The following TMEM98 variants were observed in gnomAD, a reference collection of about 807,000 sequenced individuals.
The protein encoded by TMEM98 is transmembrane protein 98.
TMEM98 carries 18 observed loss-of-function variants against 25.0 expected under a neutral mutation model. The ratio of observed to expected loss-of-function variants is 0.72; its 90% confidence interval spans 0.50 to 1.07. The LOEUF is 1.07. Ranked by LOEUF, TMEM98 falls within the 50% of genes least tolerant of loss-of-function variation. The pLI, the probability that TMEM98 is intolerant of heterozygous loss-of-function variation, is 0.00. For synonymous variants in TMEM98, 103 were observed against 112.4 expected, an observed-to-expected ratio of 0.92 and a Z score of 0.53; for missense variants, 241 against 289.0, an observed-to-expected ratio of 0.83 and a Z score of 1.20.
At chr17:32,939,186 C>G (rs977659142) in intron 6 of TMEM98, among the ~76,000 whole-genome samples, 1 of 152,174 alleles carries the variant, frequency 6.6e-6, no homozygotes, top group Admixed American at 6.5e-5. Context: ...GTGGGTGGAT[C>G]ACCTGAGGTC....
chr17:32,934,062 C>A (rs914444606), intron 4 of TMEM98, among the ~76,000 whole-genome samples: 1 of 152,168 alleles, frequency 6.6e-6, no homozygotes, highest in Non-Finnish European at 1.5e-5. Flanking sequence ...GCTAGGCACA[C>A]AGTGGAGCTT....
rs778115287 is a variant in TMEM98, at chr17:32,940,979, C to T, written c.667C>T (p.Gln223Ter). The stretch of plus-strand genomic sequence containing the variant: ...AGGCCCTGAAGGCTTCCTGCAGGAG[C>T]AGTCTGCAATTTAGTGCCTACAGGC... ...LPGPEGFLQE[Q>*]SAI Residue 223 changes from glutamine (Q) to a stop codon, truncating the protein, a stop_gained, in exon 8 of 8, where the codon CAG becomes TAG. Transcript: ENST00000579849. LOFTEE classifies it high-confidence loss of function. 5 of 1,608,682 alleles carry T rather than the reference C, an allele frequency of 3.1e-6. No homozygotes were observed. The highest frequency in any genetic ancestry group is 4.2e-6 in the Non-Finnish European group (5 of 1,177,834).
chr17:32,940,192 T>A (rs1446396687), intron 7 of TMEM98, among the ~76,000 whole-genome samples: 3 of 152,210 alleles, frequency 2.0e-5, no homozygotes, highest in Non-Finnish European at 2.9e-5. Context: ...GGGTTAATAA[T>A]CTGTAATGTA....
At chr17:32,939,786 C>T (rs1379807344) in intron 7 of TMEM98, among the ~76,000 whole-genome samples, 3 of 152,194 alleles carry the variant, frequency 2.0e-5, no homozygotes, top group Non-Finnish European at 4.4e-5. Context: ...ATTAGACTTC[C>T]GGCCATGTTA....
At position 32,931,350 on chromosome 17, in the gene TMEM98, G is replaced by T. The variant is rs754857440; in HGVS notation, c.-107G>T. 2.8e-6 allele frequency: 2 copies of T among 711,612 alleles called. No individual in the cohort carries two copies. The highest frequency in any genetic ancestry group is 3.2e-5 in the Admixed American group (1 of 31,320). The allele number at this position is 711,612 out of a possible 1,614,324, so 44.1% of individuals were successfully genotyped here. ...AGGCCCTCAGGTCTCTGCAGGTGTC[G>T]TGGAGGAACCTAGCACCTGCCATCC... On this transcript the variant is annotated 5_prime_UTR_variant, in exon 2 of 8. Transcript: ENST00000579849.
At chr17:32,933,087 T>C in intron 3 of TMEM98, 87 bp from the exon 4 acceptor site, 1 of 1,551,328 alleles carries the variant, frequency 6.4e-7, no homozygotes, top group Non-Finnish European at 8.7e-7. Flanking sequence ...CCCTTACTTC[T>C]TTTATGGTGT....
intron 5 of TMEM98, among the ~76,000 whole-genome samples, chr17:32,935,832 A>T (rs775474656): frequency 6.6e-6 from 1 of 152,174 alleles, no homozygotes; most frequent in Non-Finnish European, 1.5e-5. Flanking sequence ...TCCTTTCATC[A>T]TCAGCTTGAT....
intron 7 of TMEM98, among the ~76,000 whole-genome samples, chr17:32,940,222 A>G (rs1173136911): frequency 6.6e-6 from 1 of 152,216 alleles, no homozygotes; most frequent in Non-Finnish European, 1.5e-5. Context: ...GCATCATGGT[A>G]CTAACCATAT....
intron 1 of TMEM98, chr17:32,930,967 C>T (rs1461683608): frequency 1.3e-5 from 2 of 152,140 alleles, no homozygotes; most frequent in African/African-American, 4.8e-5. Context: ...TTTGGGAGGC[C>T]CGAGGTGGGT....
At position 32,939,393 on chromosome 17, in the gene TMEM98, C is replaced by T. The variant is rs572063824; in HGVS notation, c.414-84C>T. ...CTGCACTCCAGCCTGGGTGACAGAG[C>T]GAGACTCTGTCTCAGGAAAAAAAAA... On this transcript the variant is annotated intron_variant, in intron 6 of 7. Coordinates refer to ENST00000579849, the MANE Select transcript of TMEM98 (RefSeq NM_015544.3). The T allele has an allele frequency of 3.4e-5, 48 of 1,422,588 alleles. No individual in the cohort carries two copies. In the East Asian group the frequency reaches 4.0e-4, roughly 12 times the overall value. The allele number at this position is 1,422,588 out of a possible 1,614,324, so 88.1% of individuals were successfully genotyped here.
At chr17:32,928,810 C>G (rs941954752) in intron 1 of TMEM98, among the ~76,000 whole-genome samples, 8 of 144,936 alleles carry the variant, frequency 5.5e-5, no homozygotes, top group Non-Finnish European at 1.2e-4. Flanking sequence ...CACACGCACT[C>G]AGAAGCACAC....
At chr17:32,933,449 A>G (rs1175067802) in intron 4 of TMEM98, 144 bp downstream of exon 4, 2 of 1,169,766 alleles carry the variant, frequency 1.7e-6, no homozygotes, top group Non-Finnish European at 1.2e-6. Flanking sequence ...TGTGGGGGAA[A>G]ATCAGAATAT....
chr17:32,931,784 T>G, intron 3 of TMEM98, 125 bp downstream of exon 3: 13 of 1,212,630 alleles, frequency 1.1e-5, no homozygotes, highest in Non-Finnish European at 1.5e-5. Flanking sequence ...TACCTGCAGG[T>G]GTCCTTCCCT....
rs778587477 is a variant in TMEM98 at position 32,940,929 on chromosome 17, C to G, written c.617C>G (p.Ala206Gly). Residue 206 changes from alanine (A) to glycine (G), a missense_variant, in exon 8 of 8, where the codon GCT (alanine) becomes GGT (glycine). By Grantham distance (60) the Ala-to-Gly change is moderately conservative. Coordinates refer to ENST00000579849, the MANE Select transcript of TMEM98 (RefSeq NM_015544.3). ...GAAGTCCTTCGAGAAGCAGCCCTAG[C>G]TTCTGAGCCAGATAAAGGCCTCCCA... ...HLEVLREAAL[A>G]SEPDKGLPGP... 1.2e-6 allele frequency: 2 copies of G among 1,614,140 alleles called. No individual in the cohort carries two copies. The highest frequency in any genetic ancestry group is 8.5e-7 in the Non-Finnish European group (1 of 1,180,018).
chr17:32,941,103 G>C lies in TMEM98; in HGVS notation c.*110G>C. The C allele has an allele frequency of 1.1e-6, 1 of 928,250 alleles. No homozygotes were observed. Among genetic ancestry groups the C allele is most frequent in the Non-Finnish European group, 1.6e-6 (1 of 631,008 alleles). The allele number at this position is 928,250 out of a possible 1,614,324, so 57.5% of individuals were successfully genotyped here. ...GTTAGTTGTTCTCCACGGCTGGAGA[G>C]TTCAGCTGTGTGTGCATAGTAAAGC... On this transcript the variant is annotated 3_prime_UTR_variant, in exon 8 of 8. Coordinates refer to ENST00000579849, the MANE Select transcript of TMEM98 (RefSeq NM_015544.3).
At chr17:32,930,990 G>C (rs1356123812) in intron 1 of TMEM98, 3 of 152,488 alleles carry the variant, frequency 2.0e-5, no homozygotes, top group Non-Finnish European at 1.5e-5. Context: ...ATTACTTGAG[G>C]TCAGGAGTTC....
chr17:32,933,439 T>C, intron 4 of TMEM98, 134 bp downstream of exon 4: 2 of 1,263,454 alleles, frequency 1.6e-6, no homozygotes, highest in Non-Finnish European at 2.2e-6. Context: ...GTGCCTTTAG[T>C]GTGGGGGAAA....
intron 5 of TMEM98, among the ~76,000 whole-genome samples, chr17:32,934,906 G>T (rs928673688): frequency 6.6e-6 from 1 of 152,144 alleles, no homozygotes; most frequent in African/African-American, 2.4e-5. Context: ...TTTGCATTTT[G>T]GGTAATTTTA....
chr17:32,934,156 CTG>C, intron 4 of TMEM98, 133 bp from the exon 5 acceptor site: 1 of 920,074 alleles, frequency 1.1e-6, no homozygotes, highest in East Asian at 2.4e-5. Flanking sequence ...CATGTTGACA[CTG>C]AGGCATTCCC....
Sources: allele counts gnomAD v4.1 joint callset (sites outside exome capture counted in the v4.1 genomes callset), GRCh38; gene constraint gnomAD v4.1.1; transcripts MANE v1.5; gene names NCBI Gene and HGNC (gene_info 2026-07-23, HGNC 2026-07-21).